The following STARD13 variants were observed in gnomAD, a reference collection of about 807,000 sequenced individuals.
STARD13 encodes the protein StAR related lipid transfer domain containing 13, also known as stAR-related lipid transfer protein 13.
Under a neutral mutation model 106.4 loss-of-function variants are expected in STARD13, and 62 were observed. The ratio of observed to expected loss-of-function variants is 0.58; its 90% CI spans 0.48 to 0.72. The LOEUF (loss-of-function observed/expected upper bound fraction) is 0.72, where lower values mean the gene tolerates loss of function less well. Among genes scored for constraint, STARD13 ranks in the 30% least tolerant of loss-of-function variants. The pLI, the probability that STARD13 is intolerant of heterozygous loss-of-function variation, is 0.00. For synonymous variants in STARD13, 565 were observed against 553.0 expected (o/e 1.02, Z -0.31); for missense variants, 1,387 against 1,424.0 (o/e 0.97, Z 0.42).
chr13:33,410,067 G>A, the STARD13 span, among the ~76,000 whole-genome samples: 2 of 152,150 alleles, frequency 1.3e-5, no homozygotes, highest in Non-Finnish European at 2.9e-5. Context: ...CCTCTAATCT[G>A]CCACTTCACT....
At chr13:33,656,922 G>T in the STARD13 span, 1 of 152,228 alleles carries the variant, frequency 6.6e-6, no homozygotes, top group African/African-American at 2.4e-5. Flanking sequence ...TGAGCTTACA[G>T]ATGGTAGGAC....
At chr13:33,108,301 T>C (rs371773848) in intron 12 of STARD13, among the ~76,000 whole-genome samples, 11 of 152,298 alleles carry the variant, frequency 7.2e-5, no homozygotes, top group Middle Eastern at 3.4e-3. Context: ...CACCTCCTTG[T>C]ATCCTACACA....
intron 1 of STARD13, among the ~76,000 whole-genome samples, chr13:33,226,408 C>T (rs1888627225): frequency 6.7e-6 from 1 of 148,594 alleles, no homozygotes. Flanking sequence ...TGTTAGGATA[C>T]TTGAACAATA....
chr13:33,199,690 T>C (rs946888226), intron 1 of STARD13, among the ~76,000 whole-genome samples: 2 of 152,218 alleles, frequency 1.3e-5, no homozygotes, highest in Admixed American at 6.5e-5. Flanking sequence ...TTAACTATTT[T>C]GTGGTTTCAT....
At position 33,163,630 on chromosome 13, in the gene STARD13, T is replaced by TATATATATAACATATATATATATAAAAC. The variant is rs1566038572; in HGVS notation, c.323+1679_323+1706dup. Among the ~76,000 whole-genome samples the TATATATATAACATATATATATATAAAAC allele has an allele frequency of 9.5e-5, 11 of 116,072 alleles. 1 individual carries two copies. The highest frequency in any genetic ancestry group is 4.4e-4 in the African/African-American group (11 of 24,916). The allele number at this position is 116,072 out of a possible 152,430, so 76.1% of individuals were successfully genotyped here. ...AATATATATATATATATATAAAACA[T>TATATATATAACATATATATATATAAAAC]ATATATATAACATATATATATATAA... On this transcript the variant is annotated intron_variant, in intron 3 of 13. Transcript: ENST00000336934.
In STARD13 at chr13:33,148,519, A is replaced by C. The variant is rs145294597; in HGVS notation, c.324-6146T>G. Among the ~76,000 whole-genome samples the C allele has an allele frequency of 3.7e-3, 558 of 152,298 alleles. 3 individuals are homozygous for C. Among genetic ancestry groups the C allele is most frequent in the Admixed American group, 7.3e-3 (111 of 15,288 alleles). On this transcript the variant is annotated intron_variant, in intron 3 of 13. Coordinates refer to ENST00000336934, the MANE Select transcript of STARD13 (RefSeq NM_178006.4). ...TCATTAGGGAATTGCAAACTAAAAC[A>C]TCCATGAGATACAACCACATATCTA...
the STARD13 span, among the ~76,000 whole-genome samples, chr13:33,427,942 C>T: frequency 3.3e-4 from 44 of 134,434 alleles, no homozygotes; most frequent in Admixed American, 7.8e-4. Context: ...GCAACAACAG[C>T]GAAACTCCGT....
chr13:33,546,671 TCTCA>T, the STARD13 span, among the ~76,000 whole-genome samples: 1 of 151,702 alleles, frequency 6.6e-6, no homozygotes, highest in Non-Finnish European at 1.5e-5. Context: ...TTTGAGACAG[TCTCA>T]CTCTGTCGCC....
intron 1 of STARD13, among the ~76,000 whole-genome samples, chr13:33,244,972 T>G (rs578240448): frequency 2.0e-5 from 3 of 152,334 alleles, no homozygotes; most frequent in African/African-American, 7.2e-5. Context: ...CACATTAAGC[T>G]GTCTCTGAAG....
At chr13:33,525,829 C>T in the STARD13 span, among the ~76,000 whole-genome samples, 2 of 152,050 alleles carry the variant, frequency 1.3e-5, no homozygotes, top group Admixed American at 6.6e-5. Flanking sequence ...TAGAATAAAC[C>T]TACTTGTACA....
intron 1 of STARD13, among the ~76,000 whole-genome samples, chr13:33,316,171 T>A (rs192830473): frequency 6.6e-5 from 10 of 152,328 alleles, no homozygotes; most frequent in African/African-American, 2.4e-4. Flanking sequence ...CTCTCCAACC[T>A]AATCTTCTCT....
chr13:33,555,700 A>C, the STARD13 span, among the ~76,000 whole-genome samples: 6 of 152,358 alleles, frequency 3.9e-5, no homozygotes, highest in East Asian at 1.2e-3. Context: ...GCTAGACACT[A>C]GTTAAGTGAA....
the STARD13 span, among the ~76,000 whole-genome samples, chr13:33,607,010 T>A: frequency 6.6e-6 from 1 of 152,152 alleles, no homozygotes; most frequent in African/African-American, 2.4e-5. Flanking sequence ...CAGCCTTAAT[T>A]CATCTGCTAC....
At chr13:33,554,743 G>A in the STARD13 span, among the ~76,000 whole-genome samples, 1 of 152,130 alleles carries the variant, frequency 6.6e-6, no homozygotes, top group Non-Finnish European at 1.5e-5. Context: ...GGAAAAGTGA[G>A]GTCCAGAGAG....
chr13:33,303,949 G>A (rs1057394779), intron 1 of STARD13, among the ~76,000 whole-genome samples: 16 of 152,186 alleles, frequency 1.1e-4, no homozygotes, highest in Non-Finnish European at 2.2e-4. Flanking sequence ...ACATCACCAG[G>A]AGCTTCTTGG....
At chr13:33,126,508 A>G (rs1226504477) in intron 6 of STARD13, among the ~76,000 whole-genome samples, 2 of 152,230 alleles carry the variant, frequency 1.3e-5, no homozygotes, top group Non-Finnish European at 2.9e-5. Context: ...ACAACTTTCC[A>G]ATTTAACTGT....
chr13:33,438,980 G>A, the STARD13 span, among the ~76,000 whole-genome samples: 441 of 152,302 alleles, frequency 2.9e-3, 2 homozygotes, highest in African/African-American at 0.01. Flanking sequence ...CTAGCAATAC[G>A]CTATCTACAA....
chr13:33,303,148 C>T (rs1050419710), intron 1 of STARD13, among the ~76,000 whole-genome samples: 3 of 152,158 alleles, frequency 2.0e-5, no homozygotes, highest in South Asian at 2.1e-4. Context: ...CTCATGTGTA[C>T]GCCACCTACT....
At chr13:33,329,682 A>T (rs1025118965) in intron 1 of STARD13, among the ~76,000 whole-genome samples, 18 of 124,838 alleles carry the variant, frequency 1.4e-4, no homozygotes, top group African/African-American at 5.6e-4. Context: ...TGTGTGTGTG[A>T]TTGTATAAAA....
Sources: gnomAD v4.1 joint callset for allele counts (sites outside exome capture counted in the v4.1 genomes callset) on GRCh38, gnomAD v4.1.1 for gene constraint, MANE v1.5 for transcripts, NCBI Gene and HGNC (gene_info 2026-07-23, HGNC 2026-07-21) for gene names.